TPD52L2: variants seen among roughly 807,000 people sequenced by gnomAD.
TPD52L2 encodes tumor protein D54.
Under a neutral mutation model 24.7 loss-of-function variants are expected in TPD52L2, and 19 were observed. That is an observed-to-expected ratio of 0.77 (90% CI 0.54 to 1.13). TPD52L2 has a LOEUF of 1.13. Among genes scored for constraint, TPD52L2 ranks in the 50% most tolerant of loss-of-function variants. The pLI is 0.00. For missense variants in TPD52L2, 236 were observed against 250.4 expected (o/e 0.94, Z 0.39); for synonymous variants, 104 against 100.2 (o/e 1.04, Z -0.23).
At chr20:63,879,963 C>T (rs1600818124) in intron 4 of TPD52L2, among the ~76,000 whole-genome samples, 1 of 34,154 alleles carries the variant, frequency 2.9e-5, no homozygotes, top group African/African-American at 1.5e-4. Context: ...GGTGCAGCTT[C>T]CCCATCCCCA....
At chr20:63,881,386 A>C (rs1325087235) in intron 4 of TPD52L2, among the ~76,000 whole-genome samples, 1 of 146,116 alleles carries the variant, frequency 6.8e-6, no homozygotes, top group African/African-American at 2.5e-5. Flanking sequence ...AAGAAAGTGC[A>C]TCCTCTGGTA....
In TPD52L2 at chr20:63,887,329, T is replaced by C. The variant is rs1296798364; in HGVS notation, c.477-1861T>C. The stretch of plus-strand genomic sequence containing the variant: ...TCCTCACAGCTTCCTATGGCAGTGC[T>C]CTCCCCCCTCCCAGTGCTATGCGCT... On this transcript the variant is annotated intron_variant, in intron 5 of 6. Coordinates refer to ENST00000346249, the MANE Select transcript of TPD52L2 (RefSeq NM_003288.4). 6.3e-6 allele frequency: 4 copies of C among 634,026 alleles called. No homozygotes were observed. In the East Asian group the frequency reaches 1.1e-4, roughly 17 times the overall value. 39.3% of individuals were successfully genotyped at this position (634,026 alleles called of 1,614,324 possible).
chr20:63,874,404 C>T lies in TPD52L2; in HGVS notation c.314+588C>T, dbSNP rs189905298. On this transcript the variant is annotated intron_variant, in intron 3 of 6. Coordinates refer to ENST00000346249, the MANE Select transcript of TPD52L2 (RefSeq NM_003288.4). Reference sequence around the variant, plus strand: ...TTATTATTCTTTTTTGAGATGGTTTCGCTCTGTCACCCAGGCTGGAGTGCA... The same window carrying T: ...TTATTATTCTTTTTTGAGATGGTTTTGCTCTGTCACCCAGGCTGGAGTGCA... 3.4e-5 allele frequency among the ~76,000 whole-genome samples: 5 copies of T among 149,030 alleles called. No individual in the cohort carries two copies. In the East Asian group the frequency reaches 5.9e-4, roughly 18 times the overall value.
intron 5 of TPD52L2, among the ~76,000 whole-genome samples, chr20:63,884,753 C>G (rs144470680): frequency 3.7e-4 from 55 of 150,360 alleles, no homozygotes; most frequent in Non-Finnish European, 3.2e-4. Context: ...CCCAGCCACA[C>G]TGTGCCACGT....
At chr20:63,867,103 G>A (rs1028885429) in intron 1 of TPD52L2, among the ~76,000 whole-genome samples, 10 of 152,174 alleles carry the variant, frequency 6.6e-5, no homozygotes, top group Non-Finnish European at 1.0e-4. Context: ...ACAGGCGTGC[G>A]CCACCATGCC....
chr20:63,876,890 G>T (rs753327209), intron 4 of TPD52L2: 6 of 455,638 alleles, frequency 1.3e-5, no homozygotes, highest in South Asian at 9.3e-5. Flanking sequence ...TGGGGACCCG[G>T]GCGGTTCACG....
In TPD52L2 at chr20:63,877,691, G is replaced by A. The variant is rs1194995778; in HGVS notation, c.374+1816G>A. On this transcript the variant is annotated intron_variant, in intron 4 of 6. Coordinates refer to ENST00000346249, the MANE Select transcript of TPD52L2 (RefSeq NM_003288.4). The surrounding 1 kb of genome is among the most constrained non-coding windows in gnomAD (Gnocchi z 4.1). The stretch of plus-strand genomic sequence containing the variant: ...CGGGATCCTATTTCAAATAAATAGT[G>A]TTTTAGAGAGCTTATTACAACACTC... Among the ~76,000 whole-genome samples, 1 of 152,268 alleles carries A rather than the reference G, an allele frequency of 6.6e-6. No individual in the cohort carries two copies. Among genetic ancestry groups the A allele is most frequent in the African/African-American group, 2.4e-5 (1 of 41,478 alleles).
In TPD52L2 at chr20:63,885,485, G is replaced by C. The variant is rs567467815; in HGVS notation, c.476+2665G>C. On this transcript the variant is annotated intron_variant, in intron 5 of 6. Coordinates refer to ENST00000346249, the MANE Select transcript of TPD52L2 (RefSeq NM_003288.4). The stretch of plus-strand genomic sequence containing the variant: ...TTTCCAGGTTGGCGTCTGTGGGCAC[G>C]GATGGAGCGCAGAGCAGAAATGCTC... 3.3e-5 allele frequency among the ~76,000 whole-genome samples: 5 copies of C among 152,358 alleles called. No individual in the cohort carries two copies. In the South Asian group the frequency reaches 1.0e-3, roughly 32 times the overall value.
intron 1 of TPD52L2, among the ~76,000 whole-genome samples, chr20:63,867,255 C>T (rs1373192322): frequency 1.3e-5 from 2 of 152,130 alleles, no homozygotes; most frequent in Non-Finnish European, 2.9e-5. Flanking sequence ...TGCCCAGCCT[C>T]ATTTGTCTTT....
intron 2 of TPD52L2, among the ~76,000 whole-genome samples, chr20:63,873,114 T>C (rs1183782200): frequency 6.8e-6 from 1 of 146,456 alleles, no homozygotes; most frequent in Non-Finnish European, 1.5e-5. Context: ...ATGGACATGG[T>C]GATTGGTAGC....
intron 5 of TPD52L2, among the ~76,000 whole-genome samples, chr20:63,886,670 G>C (rs1017851466): frequency 4.0e-5 from 6 of 148,818 alleles, no homozygotes; most frequent in Admixed American, 1.3e-4. Flanking sequence ...TTTTTTGTTG[G>C]AGTCTCGCTC....
At chr20:63,884,342 C>T (rs1241516620) in intron 5 of TPD52L2, among the ~76,000 whole-genome samples, 1 of 152,194 alleles carries the variant, frequency 6.6e-6, no homozygotes, top group Non-Finnish European at 1.5e-5. Flanking sequence ...CACCACAGAG[C>T]ATCTTCAGGA....
Position 63,875,799 on chromosome 20 carries a change from A to G in TPD52L2, c.315-17A>G. On this transcript the variant is annotated splice_polypyrimidine_tract_variant and intron_variant, in intron 3 of 6. Coordinates refer to ENST00000346249, the MANE Select transcript of TPD52L2 (RefSeq NM_003288.4). ...ATTGTTCTTCTAAATAATTCACTGT[A>G]GACTTTCTGTTTTTAGCTATGTGAA... 1 of 1,613,716 alleles carries G rather than the reference A, an allele frequency of 6.2e-7. No individual in the cohort carries two copies. The highest frequency in any genetic ancestry group is 8.5e-7 in the Non-Finnish European group (1 of 1,179,658).
intron 5 of TPD52L2, chr20:63,887,285 C>G (rs974777844): frequency 1.4e-5 from 8 of 565,552 alleles, no homozygotes; most frequent in Non-Finnish European, 2.5e-5. Flanking sequence ...AAATACTTTT[C>G]AAAAGCCCAA....
chr20:63,887,991 G>A (rs2053196317), intron 5 of TPD52L2: 1 of 289,570 alleles, frequency 3.5e-6, no homozygotes, highest in African/African-American at 2.2e-5. Context: ...AACACCCAGA[G>A]CTGTGGTCCT....
intron 1 of TPD52L2, 47 bp downstream of exon 1, chr20:63,865,431 C>A: frequency 6.7e-7 from 1 of 1,500,484 alleles, no homozygotes; most frequent in Non-Finnish European, 8.9e-7. Flanking sequence ...CCCAGGCTGC[C>A]CGTTGTTCTC....
rs530230287 is a variant in TPD52L2 at position 63,880,717 on chromosome 20, C to T, written c.375-2002C>T. On this transcript the variant is annotated intron_variant, in intron 4 of 6. Transcript: ENST00000346249. ...CATCCTGGCTAACACGGTGAAACTC[C>T]GTCTGTACCAAAAATACAAAAAAAT... 2.7e-3 allele frequency among the ~76,000 whole-genome samples: 408 copies of T among 151,748 alleles called. 2 individuals are homozygous for T. The highest frequency in any genetic ancestry group is 9.4e-3 in the African/African-American group (388 of 41,390).
At chr20:63,879,014 G>A (rs888449362) in intron 4 of TPD52L2, among the ~76,000 whole-genome samples, 2 of 152,186 alleles carry the variant, frequency 1.3e-5, no homozygotes, top group African/African-American at 2.4e-5. Flanking sequence ...GGCCTGCAGC[G>A]CTGTGAGCCT....
At chr20:63,867,201 G>A (rs934276741) in intron 1 of TPD52L2, among the ~76,000 whole-genome samples, 28 of 151,892 alleles carry the variant, frequency 1.8e-4, no homozygotes, top group African/African-American at 6.5e-4. Flanking sequence ...TGATCTGCCC[G>A]CCTTGGCCTC....
Sources: gnomAD v4.1 joint callset for allele counts (sites outside exome capture counted in the v4.1 genomes callset) on GRCh38, gnomAD v4.1.1 for gene constraint, Gnocchi (gnomAD v3.1) non-coding constraint, MANE v1.5 for transcripts, NCBI Gene and HGNC (gene_info 2026-07-23, HGNC 2026-07-21) for gene names.